Variants in HK2 observed in about 807,000 individuals in gnomAD.
HK2 encodes the protein hexokinase 2, also known as hexokinase-2.
Under a neutral mutation model 92.9 loss-of-function variants are expected in HK2, and 42 were observed. The ratio of observed to expected loss-of-function variants is 0.45; its 90% CI spans 0.35 to 0.58. HK2 has a LOEUF of 0.58. HK2 is among the 20% of genes least tolerant of loss of function. HK2 has a pLI of 0.00. For synonymous variants in HK2, 422 were observed against 468.0 expected (o/e 0.90, Z 1.27); for missense variants, 978 against 1,245.1 (o/e 0.79, Z 3.23).
At chr2:74,839,298 C>T (rs1285132629) in intron 1 of HK2, among the ~76,000 whole-genome samples, 1 of 152,138 alleles carries the variant, frequency 6.6e-6, no homozygotes, top group Non-Finnish European at 1.5e-5. Flanking sequence ...CCTCAAGGAA[C>T]CTTGGCACAT....
At chr2:74,851,299 G>A (rs1473014038) in intron 1 of HK2, among the ~76,000 whole-genome samples, 1 of 152,250 alleles carries the variant, frequency 6.6e-6, no homozygotes, top group East Asian at 1.9e-4. Context: ...TGCCTGACAG[G>A]TGAGAAATGC....
At chr2:74,869,027 A>T (rs557664615) in intron 3 of HK2, among the ~76,000 whole-genome samples, 1 of 152,212 alleles carries the variant, frequency 6.6e-6, no homozygotes, top group Non-Finnish European at 1.5e-5. Flanking sequence ...TTCTTCTTGA[A>T]AAAAGCTTAA....
intron 2 of HK2, among the ~76,000 whole-genome samples, chr2:74,855,600 G>T (rs115106243): frequency 6.6e-6 from 1 of 152,202 alleles, no homozygotes; most frequent in African/African-American, 2.4e-5. Flanking sequence ...AAAGGATCAC[G>T]GTGGAGATTC....
chr2:74,872,558 G>A (rs1464756869), intron 4 of HK2, 139 bp downstream of exon 4: 8 of 797,796 alleles, frequency 1.0e-5, no homozygotes, highest in Non-Finnish European at 1.6e-5. Context: ...CTGGGTGACT[G>A]TGTATGTCGA....
intron 1 of HK2, among the ~76,000 whole-genome samples, chr2:74,839,817 C>T (rs998095841): frequency 1.4e-5 from 2 of 142,810 alleles, no homozygotes; most frequent in African/African-American, 2.5e-5. Context: ...ACCACCATGC[C>T]CAGCTAATTT....
At chr2:74,885,399 C>T (rs1354020186) in intron 12 of HK2, 95 bp from the exon 13 acceptor site, 5 of 825,504 alleles carry the variant, frequency 6.1e-6, no homozygotes, top group Middle Eastern at 2.6e-4. Flanking sequence ...TCCGTCTGAC[C>T]TGTGAGGTTG....
At position 74,873,332 on chromosome 2, in the gene HK2, C is replaced by T. The variant is rs369004368; in HGVS notation, c.552C>T (p.Asp184=). ...AGTCCAGTGGAGTGGAAGGCAGAGA[C>T]GTTGTGGCTCTGATCCGGAAGGCCA... is the stretch of plus-strand genomic sequence containing the variant. ...GFKSSGVEGR[D]VVALIRKAIQ... is the part of the protein sequence containing the mutation. Residue 184 remains aspartate (D), a synonymous_variant, in exon 5 of 18, where the codon GAC becomes GAT. Coordinates refer to ENST00000290573, the MANE Select transcript of HK2 (RefSeq NM_000189.5). 7.4e-6 allele frequency: 12 copies of T among 1,613,852 alleles called. No individual in the cohort carries two copies. Among genetic ancestry groups the T allele is most frequent in the South Asian group, 3.3e-5 (3 of 91,084 alleles).
chr2:74,870,738 A>G (rs368388620), intron 3 of HK2, among the ~76,000 whole-genome samples: 2 of 152,052 alleles, frequency 1.3e-5, no homozygotes, highest in East Asian at 1.9e-4. Flanking sequence ...AAATACTTGA[A>G]CTCTGTTCAA....
chr2:74,859,419 T>G (rs560255003), intron 2 of HK2, among the ~76,000 whole-genome samples: 88 of 152,274 alleles, frequency 5.8e-4, no homozygotes, highest in Middle Eastern at 3.4e-3. Context: ...GGGCATGGTG[T>G]CTCATGCCTG....
At chr2:74,877,418 AG>A in intron 8 of HK2, 97 bp downstream of exon 8, 2 of 1,373,398 alleles carry the variant, frequency 1.5e-6, no homozygotes, top group Non-Finnish European at 2.1e-6. Flanking sequence ...TGACTCTTCA[AG>A]TATAGACTGC....
intron 1 of HK2, among the ~76,000 whole-genome samples, chr2:74,843,199 T>A (rs1376315259): frequency 1.3e-5 from 2 of 152,066 alleles, no homozygotes; most frequent in Non-Finnish European, 2.9e-5. Flanking sequence ...GCAGATTGGG[T>A]GAGGTTCCCT....
chr2:74,872,228 C>A (rs942253091), intron 3 of HK2, 72 bp from the exon 4 acceptor site: 6 of 1,520,740 alleles, frequency 3.9e-6, no homozygotes, highest in Middle Eastern at 2.0e-4. Flanking sequence ...ACGTGCTGAG[C>A]CTGAAGTGCA....
intron 1 of HK2, 102 bp from the exon 2 acceptor site, chr2:74,854,191 A>G: frequency 9.3e-7 from 1 of 1,078,802 alleles, no homozygotes; most frequent in Non-Finnish European, 1.4e-6. Context: ...TGTACATAAC[A>G]GATTTTGTTC....
intron 2 of HK2, among the ~76,000 whole-genome samples, chr2:74,855,993 G>T (rs973285780): frequency 1.3e-5 from 2 of 152,124 alleles, no homozygotes; most frequent in Non-Finnish European, 2.9e-5. Flanking sequence ...TGGTGGGTGG[G>T]GGGTAGGTAC....
chr2:74,860,321 C>T (rs948910838), intron 2 of HK2, among the ~76,000 whole-genome samples: 2 of 152,088 alleles, frequency 1.3e-5, no homozygotes, highest in Non-Finnish European at 1.5e-5. Flanking sequence ...TATGTTTGCA[C>T]CTCATAAATT....
chr2:74,865,490 C>A (rs896958490), intron 2 of HK2, among the ~76,000 whole-genome samples: 7 of 152,040 alleles, frequency 4.6e-5, no homozygotes, highest in African/African-American at 1.7e-4. Flanking sequence ...TCTTTGATAT[C>A]CCTTTCATCC....
At chr2:74,848,218 C>T (rs538146771) in intron 1 of HK2, among the ~76,000 whole-genome samples, 1 of 152,272 alleles carries the variant, frequency 6.6e-6, no homozygotes, top group Non-Finnish European at 1.5e-5. Context: ...TTGTATTGTG[C>T]CCGACATTCT....
chr2:74,884,596 C>T (rs1046045614), intron 12 of HK2, among the ~76,000 whole-genome samples: 1 of 152,222 alleles, frequency 6.6e-6, no homozygotes, highest in African/African-American at 2.4e-5. Flanking sequence ...CACAGTGTGA[C>T]ACCTCCAGGT....
chr2:74,874,310 G>A lies in HK2; in HGVS notation c.736G>A (p.Asp246Asn), dbSNP rs774427032. Residue 246 changes from aspartate (D) to asparagine (N), a missense_variant, in exon 7 of 18, where the codon GAC becomes AAC. Physicochemically the swap from Asp to Asn is conservative, Grantham distance 23. This residue lies in a region of HK2 where 189 missense variants were observed against 289.5 expected (regional missense o/e 0.65). Coordinates refer to ENST00000290573, the MANE Select transcript of HK2 (RefSeq NM_000189.5). ...ACYMEEMRHI[D>N]MVEGDEGRMC... The stretch of plus-strand genomic sequence containing the variant: ...CTACATGGAAGAGATGCGCCACATC[G>A]ACATGGTGGAAGGCGATGAGGGGCG... 4 of 1,614,178 alleles carry A rather than the reference G, an allele frequency of 2.5e-6. No individual in the cohort carries two copies. The highest frequency in any genetic ancestry group is 3.4e-6 in the Non-Finnish European group (4 of 1,180,044).
Sources: allele counts gnomAD v4.1 joint callset (sites outside exome capture counted in the v4.1 genomes callset), GRCh38; gene constraint gnomAD v4.1.1; regional missense constraint gnomAD v4.1.1; transcripts MANE v1.5; gene names NCBI Gene and HGNC (gene_info 2026-07-23, HGNC 2026-07-21).